ESR1: variants seen among roughly 807,000 people sequenced by gnomAD.
The protein encoded by ESR1 is estrogen receptor.
Under a neutral mutation model 52.7 loss-of-function variants are expected in ESR1, and 12 were observed. The ratio of observed to expected loss-of-function variants is 0.23; its 90% CI spans 0.15 to 0.37. ESR1 has a LOEUF of 0.37. Among genes scored for constraint, ESR1 ranks in the 10% least tolerant of loss-of-function variants. The probability of loss-of-function intolerance (pLI) is 1.00; values close to 1 mark genes in which losing one functional copy is unlikely to be tolerated. For missense variants in ESR1, 584 were observed against 779.7 expected, an observed-to-expected ratio of 0.75 and a Z score of 2.99; for synonymous variants, 305 against 316.8, an observed-to-expected ratio of 0.96 and a Z score of 0.39.
intron 2 of ESR1, among the ~76,000 whole-genome samples, chr6:151,864,673 G>T (rs1789526486): frequency 6.6e-6 from 1 of 152,090 alleles, no homozygotes; most frequent in Non-Finnish European, 1.5e-5. Flanking sequence ...CAATAGCAAA[G>T]ACTTGGAACC....
Position 152,037,992 on chromosome 6 carries a change from C to T in ESR1, c.1236-22999C>T, listed in dbSNP as rs149445676. ...ATTGACTCACACCATCACAAGGTGA[C>T]GTCCCACAATAGGCCATCTGCAAGC... is the stretch of plus-strand genomic sequence containing the variant. On this transcript the variant is annotated intron_variant, in intron 5 of 7. Transcript: ENST00000206249. Among the ~76,000 whole-genome samples the T allele has an allele frequency of 2.5e-4, 38 of 152,198 alleles. No individual in the cohort carries two copies. The East Asian group carries it at 6.2e-3, about 25-fold the overall frequency.
chr6:151,920,273 A>C (rs118056413), intron 3 of ESR1, among the ~76,000 whole-genome samples: 2,998 of 151,696 alleles, frequency 0.02, 59 homozygotes, highest in East Asian at 0.097. Context: ...TTTTAATATT[A>C]TATGAAAGTA....
intron 3 of ESR1, among the ~76,000 whole-genome samples, chr6:151,920,089 T>G (rs2031301843): frequency 6.6e-6 from 1 of 152,132 alleles, no homozygotes; most frequent in Admixed American, 6.6e-5. Context: ...ACAACTTTAA[T>G]TTTTCATCTT....
At chr6:152,052,316 T>G (rs1319146242) in intron 5 of ESR1, among the ~76,000 whole-genome samples, 1 of 152,084 alleles carries the variant, frequency 6.6e-6, no homozygotes, top group Non-Finnish European at 1.5e-5. Flanking sequence ...CAATGTGAGA[T>G]TTGGAGGGAA....
rs760465612 is a variant in ESR1, at chr6:151,808,056, G to A, written c.144G>A (p.Lys48=). 6.2e-7 allele frequency: 1 copy of A among 1,613,532 alleles called. No homozygotes were observed. The highest frequency in any genetic ancestry group is 1.1e-5 in the South Asian group (1 of 91,044). The part of the protein sequence containing the change: ...PLGEVYLDSS[K]PAVYNYPEGA... ...GCGAGGTGTACCTGGACAGCAGCAA[G>A]CCCGCCGTGTACAACTACCCCGAGG... The change falls in exon 1 of 8, where the codon AAG becomes AAA. Residue 48 remains lysine, a synonymous_variant. Transcript: ENST00000206249.
Position 151,906,980 on chromosome 6 carries a change from A to G in ESR1, c.760+26209A>G, listed in dbSNP as rs186689405. ...TAATTTTTTTCCATTGAATAACCAA[A>G]TTGTCCCAGAGCAATTAAGCAATAC... is the stretch of plus-strand genomic sequence containing the variant. On this transcript the variant is annotated intron_variant, in intron 3 of 7. Transcript: ENST00000206249. Among the ~76,000 whole-genome samples, 13 of 151,912 alleles carry G rather than the reference A, an allele frequency of 8.6e-5. No individual in the cohort carries two copies. The East Asian group carries it at 1.9e-3, about 23-fold the overall frequency.
At chr6:151,821,515 T>C (rs1041400215) in intron 1 of ESR1, among the ~76,000 whole-genome samples, 7 of 152,206 alleles carry the variant, frequency 4.6e-5, no homozygotes, top group Admixed American at 4.6e-4. Flanking sequence ...ATTCCCTTGT[T>C]TTTCTTCTTT....
intron 4 of ESR1, among the ~76,000 whole-genome samples, chr6:151,986,577 T>C (rs1467667428): frequency 1.3e-5 from 2 of 152,174 alleles, no homozygotes; most frequent in Non-Finnish European, 2.9e-5. Flanking sequence ...AACTTGTTGT[T>C]TTAGATCTAT....
At position 151,692,506 on chromosome 6, in the gene ESR1, A is replaced by G. The variant is rs1427877394; in HGVS notation, c.-202+1842A>G. Among the ~76,000 whole-genome samples the G allele has an allele frequency of 2.6e-5, 4 of 152,134 alleles. No individual in the cohort carries two copies. In the East Asian group the frequency reaches 5.8e-4, roughly 22 times the overall value. On this transcript the variant is annotated intron_variant, in intron 1 of 2. Coordinates refer to the ESR1 transcript ENST00000404742. ...AGAGTGACCCAGCTCTGGGTAGACC[A>G]TCCACACTGTAAAAAAAAAAGTCAT...
intron 4 of ESR1, among the ~76,000 whole-genome samples, chr6:151,964,457 T>G (rs2038025270): frequency 1.3e-5 from 2 of 152,168 alleles, no homozygotes; most frequent in South Asian, 4.1e-4. Flanking sequence ...TTTCTTAATT[T>G]CCTTTTTGGA....
intron 2 of ESR1, among the ~76,000 whole-genome samples, chr6:151,713,723 C>G (rs944144338): frequency 1.3e-5 from 2 of 151,784 alleles, no homozygotes; most frequent in Non-Finnish European, 2.9e-5. Context: ...TTTGATTTTT[C>G]TCTTTTCTTC....
chr6:151,763,167 C>T (rs1202017246), intron 2 of ESR1, among the ~76,000 whole-genome samples: 2 of 151,852 alleles, frequency 1.3e-5, no homozygotes, highest in Non-Finnish European at 2.9e-5. Flanking sequence ...AGAAAACACA[C>T]CTATGTAATT....
At chr6:151,782,665 T>A (rs538363605) in intron 2 of ESR1, among the ~76,000 whole-genome samples, 11 of 152,308 alleles carry the variant, frequency 7.2e-5, no homozygotes, top group African/African-American at 2.6e-4. Flanking sequence ...CATTCCTCAT[T>A]ATTCTGGCTG....
chr6:151,821,376 C>T (rs559738533), intron 1 of ESR1, among the ~76,000 whole-genome samples: 1 of 152,306 alleles, frequency 6.6e-6, no homozygotes, highest in East Asian at 1.9e-4. Flanking sequence ...ATATGGTTCA[C>T]GTGAGAATTT....
chr6:152,078,554 C>T (rs916369719), intron 6 of ESR1, among the ~76,000 whole-genome samples: 20 of 152,152 alleles, frequency 1.3e-4, no homozygotes, highest in African/African-American at 4.3e-4. Context: ...CCAGCGAGAT[C>T]GAAGCAGAAG....
intron 1 of ESR1, among the ~76,000 whole-genome samples, chr6:151,816,548 A>G (rs1007431724): frequency 1.3e-5 from 2 of 152,234 alleles, no homozygotes; most frequent in African/African-American, 4.8e-5. Flanking sequence ...ACCCTGAAGA[A>G]GGTGAGTATG....
At chr6:151,672,878 G>C (rs1012988498) in intron 1 of ESR1, among the ~76,000 whole-genome samples, 11 of 147,954 alleles carry the variant, frequency 7.4e-5, no homozygotes, top group African/African-American at 2.8e-4. Flanking sequence ...ACCCAGGCTG[G>C]AGTCCAGTAG....
intron 2 of ESR1, among the ~76,000 whole-genome samples, chr6:151,757,626 C>T (rs1452105512): frequency 6.6e-6 from 1 of 152,180 alleles, no homozygotes; most frequent in Non-Finnish European, 1.5e-5. Flanking sequence ...TTACTGTGAA[C>T]AAATTTAGCT....
chr6:151,696,025 A>G (rs1779307776), intron 1 of ESR1, among the ~76,000 whole-genome samples: 1 of 152,232 alleles, frequency 6.6e-6, no homozygotes, highest in African/African-American at 2.4e-5. Flanking sequence ...TTAAGGATTA[A>G]GGTTACTTAG....
Sources: gnomAD v4.1 joint callset for allele counts (sites outside exome capture counted in the v4.1 genomes callset) on GRCh38, gnomAD v4.1.1 for gene constraint, MANE v1.5 for transcripts, NCBI Gene and HGNC (gene_info 2026-07-23, HGNC 2026-07-21) for gene names.